Variants in DPP6 observed in about 807,000 individuals in gnomAD.
DPP6 encodes dipeptidyl peptidase like 6.
A neutral mutation model predicts 122.6 loss-of-function variants in DPP6; 69 were observed. The observed-to-expected ratio is 0.56, with a 90% CI of 0.46 to 0.69. DPP6 has a LOEUF of 0.69. DPP6 is among the 30% of genes least tolerant of loss of function. The probability of loss-of-function intolerance (pLI) is 0.00; values close to 1 mark genes in which losing one functional copy is unlikely to be tolerated. For missense variants in DPP6, 928 were observed against 1,116.9 expected (o/e 0.83, Z 2.41); for synonymous variants, 418 against 433.1 (o/e 0.97, Z 0.43).
At position 154,724,611 on chromosome 7, in the gene DPP6, G is replaced by A. The variant is rs570412549; in HGVS notation, c.763-3156G>A. On this transcript the variant is annotated intron_variant, in intron 7 of 25. Transcript: ENST00000377770. ...TGTCAGGGGCTTCCCATTGCCTTTG[G>A]GACACCTTAATGTGGCTTCCAGACC... Among the ~76,000 whole-genome samples the A allele has an allele frequency of 2.6e-5, 4 of 152,220 alleles. 1 individual carries two copies. In the South Asian group the frequency reaches 8.3e-4, roughly 32 times the overall value.
At chr7:154,042,471 T>G (rs2129058316) in intron 1 of DPP6, among the ~76,000 whole-genome samples, 1 of 152,334 alleles carries the variant, frequency 6.6e-6, no homozygotes, top group Non-Finnish European at 1.5e-5. Flanking sequence ...AAGCATTAAT[T>G]GGATGAAAAA....
intron 1 of DPP6, among the ~76,000 whole-genome samples, chr7:154,304,239 A>T (rs1394054380): frequency 6.6e-6 from 1 of 152,268 alleles, no homozygotes; most frequent in Non-Finnish European, 1.5e-5. Flanking sequence ...CCTGGAGTGC[A>T]GAGAAAGAGT....
intron 1 of DPP6, among the ~76,000 whole-genome samples, chr7:154,385,460 C>T (rs1459969379): frequency 1.3e-5 from 2 of 152,112 alleles, no homozygotes; most frequent in African/African-American, 2.4e-5. Flanking sequence ...GGAGGAAGCC[C>T]ATTCATCTCT....
intron 5 of DPP6, among the ~76,000 whole-genome samples, chr7:154,610,911 A>G (rs1395029257): frequency 3.3e-5 from 5 of 152,036 alleles, no homozygotes; most frequent in Admixed American, 2.0e-4. Flanking sequence ...GTAATTTCCA[A>G]CTTCTAACCT....
At chr7:154,227,923 T>G (rs181773073) in intron 1 of DPP6, among the ~76,000 whole-genome samples, 32 of 152,346 alleles carry the variant, frequency 2.1e-4, no homozygotes, top group Admixed American at 1.9e-3. Flanking sequence ...AAGCTACAAT[T>G]TATTTAACCT....
chr7:154,123,150 C>T (rs190310769), intron 1 of DPP6, among the ~76,000 whole-genome samples: 99 of 152,296 alleles, frequency 6.5e-4, no homozygotes, highest in Non-Finnish European at 3.8e-4. Context: ...TATGAACTCC[C>T]GCAGACCGAA....
At chr7:154,721,640 AAAG>A (rs1279294360) in intron 7 of DPP6, among the ~76,000 whole-genome samples, 2 of 152,244 alleles carry the variant, frequency 1.3e-5, no homozygotes, top group Admixed American at 1.3e-4. Flanking sequence ...GAAAAAATAA[AAAG>A]AAGTAGATAA....
At chr7:154,356,532 C>A (rs1028839259) in intron 1 of DPP6, among the ~76,000 whole-genome samples, 1 of 152,038 alleles carries the variant, frequency 6.6e-6, no homozygotes, top group Admixed American at 6.6e-5. Context: ...TGTACCACTG[C>A]ACTCCAGCCT....
intron 1 of DPP6, among the ~76,000 whole-genome samples, chr7:154,170,918 C>T (rs1330687304): frequency 6.6e-6 from 1 of 152,190 alleles, no homozygotes. Flanking sequence ...CTTCTTAGCA[C>T]TCCCTCGGTG....
chr7:154,260,234 G>C (rs887327631), intron 1 of DPP6, among the ~76,000 whole-genome samples: 1 of 152,136 alleles, frequency 6.6e-6, no homozygotes, highest in Non-Finnish European at 1.5e-5. Flanking sequence ...CCTCAGTTCC[G>C]TGGAAAGCTG....
chr7:154,525,396 T>C (rs1383296912), intron 3 of DPP6, among the ~76,000 whole-genome samples: 1 of 152,192 alleles, frequency 6.6e-6, no homozygotes, highest in Non-Finnish European at 1.5e-5. Flanking sequence ...GGGCTCAAGC[T>C]ATTCTCCTAC....
At chr7:154,247,075 G>T (rs1478378155) in intron 1 of DPP6, among the ~76,000 whole-genome samples, 1 of 152,158 alleles carries the variant, frequency 6.6e-6, no homozygotes, top group Non-Finnish European at 1.5e-5. Context: ...CATTTTGGGG[G>T]GCCGAGGTCA....
At chr7:153,820,270 G>A in the DPP6 span, among the ~76,000 whole-genome samples, 2 of 152,302 alleles carry the variant, frequency 1.3e-5, no homozygotes, top group Admixed American at 6.5e-5. Flanking sequence ...TTACAAATGG[G>A]TAGCAAGAGA....
At chr7:154,886,920 A>C (rs909148390) in intron 22 of DPP6, among the ~76,000 whole-genome samples, 2 of 152,272 alleles carry the variant, frequency 1.3e-5, no homozygotes, top group African/African-American at 4.8e-5. Context: ...TCCTGGTCCA[A>C]AATGTGAATC....
chr7:154,042,795 A>T (rs1799829728), intron 1 of DPP6, among the ~76,000 whole-genome samples: 1 of 152,210 alleles, frequency 6.6e-6, no homozygotes, highest in Non-Finnish European at 1.5e-5. Context: ...GGGAGATAGA[A>T]GAGTCTGTGG....
chr7:154,389,598 G>T (rs1814434651), intron 1 of DPP6, among the ~76,000 whole-genome samples: 1 of 152,082 alleles, frequency 6.6e-6, no homozygotes, highest in Admixed American at 6.5e-5. Context: ...AGCATTTTAT[G>T]ATTTATTTTA....
intron 1 of DPP6, among the ~76,000 whole-genome samples, chr7:154,421,515 G>C (rs1158129993): frequency 2.6e-5 from 4 of 151,940 alleles, no homozygotes; most frequent in Non-Finnish European, 5.9e-5. Flanking sequence ...GTAGAGACAG[G>C]GTTTCACCAT....
At chr7:153,792,316 T>A in the DPP6 span, among the ~76,000 whole-genome samples, 2 of 152,238 alleles carry the variant, frequency 1.3e-5, no homozygotes, top group African/African-American at 4.8e-5. Context: ...AATCTACTGA[T>A]CAATTTGGAG....
intron 1 of DPP6, among the ~76,000 whole-genome samples, chr7:154,258,942 G>A (rs1802828219): frequency 1.3e-5 from 2 of 152,266 alleles, no homozygotes; most frequent in African/African-American, 4.8e-5. Context: ...ACTTCACCTT[G>A]AAAAAAGCCC....
Sources: allele counts gnomAD v4.1 joint callset (sites outside exome capture counted in the v4.1 genomes callset), GRCh38; gene constraint gnomAD v4.1.1; transcripts MANE v1.5; gene names NCBI Gene and HGNC (gene_info 2026-07-23, HGNC 2026-07-21).